Variants in CHL1 observed in about 807,000 individuals in gnomAD.
CHL1 encodes neural cell adhesion molecule L1-like protein.
Under a neutral mutation model 141.9 loss-of-function variants are expected in CHL1, and 96 were observed. That is an observed-to-expected ratio of 0.68 (90% CI 0.57 to 0.80). CHL1 has a LOEUF of 0.80. Among genes scored for constraint, CHL1 ranks in the 30% least tolerant of loss-of-function variants. The pLI, the probability that CHL1 is intolerant of heterozygous loss-of-function variation, is 0.00. For synonymous variants in CHL1, 613 were observed against 502.2 expected, an observed-to-expected ratio of 1.22 and a Z score of -2.95; for missense variants, 1,820 against 1,457.2, an observed-to-expected ratio of 1.25 and a Z score of -4.05.
chr3:316,959 C>G (rs778849882), intron 2 of CHL1, among the ~76,000 whole-genome samples: 1 of 151,974 alleles, frequency 6.6e-6, no homozygotes, highest in Non-Finnish European at 1.5e-5. Flanking sequence ...TCCTAAGAAA[C>G]ATACCCTTTA....
chr3:219,346 T>A (rs1386035066), intron 1 of CHL1, among the ~76,000 whole-genome samples: 1 of 152,152 alleles, frequency 6.6e-6, no homozygotes, highest in Non-Finnish European at 1.5e-5. Context: ...GGAATATAAA[T>A]TTTTACATTA....
At chr3:250,462 G>T (rs1406294366) in intron 2 of CHL1, among the ~76,000 whole-genome samples, 1 of 152,108 alleles carries the variant, frequency 6.6e-6, no homozygotes, top group Non-Finnish European at 1.5e-5. Context: ...CCTAGTGGAA[G>T]ATTAGGGTTA....
rs151311442 is a variant in CHL1, at chr3:224,847, A to G, written c.-174-19766A>G. ...GAAAAGTGGAAAATATCAATTAAACAACTCAGAGCCGGGTGCAGTGGCTCA... is the reference window on the plus strand; with the variant it reads ...GAAAAGTGGAAAATATCAATTAAACGACTCAGAGCCGGGTGCAGTGGCTCA... On this transcript the variant is annotated intron_variant, in intron 1 of 27. Coordinates refer to ENST00000256509, the MANE Select transcript of CHL1 (RefSeq NM_006614.4). 3.0e-3 allele frequency among the ~76,000 whole-genome samples: 450 copies of G among 152,326 alleles called. 1 individual carries two copies. Among genetic ancestry groups the G allele is most frequent in the African/African-American group, 0.01 (418 of 41,560 alleles).
intron 2 of CHL1, among the ~76,000 whole-genome samples, chr3:267,803 T>C (rs749330813): frequency 1.5e-4 from 23 of 152,220 alleles, no homozygotes; most frequent in Non-Finnish European, 2.6e-4. Flanking sequence ...TGTGTTTTCT[T>C]AAGAAAATAG....
At chr3:378,456 T>C (rs1355473703) in intron 16 of CHL1, among the ~76,000 whole-genome samples, 1 of 152,170 alleles carries the variant, frequency 6.6e-6, no homozygotes, top group Non-Finnish European at 1.5e-5. Context: ...TTGATGAAAG[T>C]ACTAATCAGG....
At chr3:253,859 T>C (rs1693919008) in intron 2 of CHL1, among the ~76,000 whole-genome samples, 1 of 152,182 alleles carries the variant, frequency 6.6e-6, no homozygotes. Flanking sequence ...GAATTAAAAT[T>C]GCATCTGTAT....
intron 2 of CHL1, among the ~76,000 whole-genome samples, chr3:258,868 C>CTT (rs763713997): frequency 1.5e-4 from 21 of 143,928 alleles, no homozygotes; most frequent in African/African-American, 5.1e-4. Context: ...ACTAAGTCCC[C>CTT]TTTTTTTTTT....
intron 1 of CHL1, among the ~76,000 whole-genome samples, chr3:220,219 A>G (rs636092): frequency 0.89 from 136,015 of 152,184 alleles, 61,240 homozygotes; most frequent in East Asian, 1. Flanking sequence ...TTAATACCCC[A>G]TCTACCTTTG....
intron 1 of CHL1, among the ~76,000 whole-genome samples, chr3:200,688 T>G (rs569900180): frequency 1.8e-4 from 27 of 152,208 alleles, no homozygotes; most frequent in Non-Finnish European, 3.5e-4. Flanking sequence ...TTCGCTATCA[T>G]TTTATGTCTA....
At chr3:300,773 A>G (rs771918968) in intron 2 of CHL1, among the ~76,000 whole-genome samples, 1 of 152,188 alleles carries the variant, frequency 6.6e-6, no homozygotes, top group African/African-American at 2.4e-5. Context: ...TAGGAAAAAA[A>G]AAAGTGCAAC....
At chr3:246,399 A>C (rs996737205) in intron 2 of CHL1, among the ~76,000 whole-genome samples, 1 of 152,070 alleles carries the variant, frequency 6.6e-6, no homozygotes, top group Non-Finnish European at 1.5e-5. Flanking sequence ...TGATTGATGA[A>C]ATCATTATTT....
chr3:308,560 A>C (rs540175639), intron 2 of CHL1, among the ~76,000 whole-genome samples: 2 of 151,386 alleles, frequency 1.3e-5, no homozygotes, highest in South Asian at 4.2e-4. Context: ...ATAGATAGTC[A>C]TATAAACATA....
intron 2 of CHL1, among the ~76,000 whole-genome samples, chr3:255,749 C>T (rs1055095397): frequency 6.6e-6 from 1 of 152,148 alleles, no homozygotes; most frequent in Non-Finnish European, 1.5e-5. Flanking sequence ...CCTTTGACTG[C>T]CTATTGCCAT....
chr3:289,092 A>C (rs1000892903), intron 2 of CHL1, among the ~76,000 whole-genome samples: 6 of 152,110 alleles, frequency 3.9e-5, no homozygotes, highest in Admixed American at 3.9e-4. Context: ...AACTCAAGAG[A>C]AATGAATAAT....
In CHL1 at chr3:212,644, G is replaced by A. The variant is rs899457380; in HGVS notation, c.-175+15581G>A. Among the ~76,000 whole-genome samples the A allele has an allele frequency of 5.3e-5, 8 of 152,196 alleles. No homozygotes were observed. In the South Asian group the frequency reaches 1.0e-3, roughly 20 times the overall value. On this transcript the variant is annotated intron_variant, in intron 1 of 27. Transcript: ENST00000256509. ...CCCCTGGCTCCCTACTGCTTTGCAG[G>A]CCAAGTAACTGTCACATTTCGTTTC...
At position 393,615 on chromosome 3, in the gene CHL1, C is replaced by T. The variant is rs189824916; in HGVS notation, c.2915-1078C>T. Among the ~76,000 whole-genome samples, 348 of 151,962 alleles carry T rather than the reference C, an allele frequency of 2.3e-3. 1 individual carries two copies. Among genetic ancestry groups the T allele is most frequent in the Admixed American group, 5.5e-3 (84 of 15,264 alleles). On this transcript the variant is annotated intron_variant, in intron 23 of 27. Transcript: ENST00000256509. ...TTCTATTAATATTAATTGATCAAGA[C>T]ATTTTAGGTAGTTTACCTTTTTCTT...
intron 2 of CHL1, among the ~76,000 whole-genome samples, chr3:317,722 A>T (rs973712290): frequency 6.6e-6 from 1 of 151,102 alleles, no homozygotes; most frequent in African/African-American, 2.4e-5. Context: ...CAAAATTTTC[A>T]TATTAATAAT....
intron 2 of CHL1, among the ~76,000 whole-genome samples, chr3:302,164 T>A (rs1376088894): frequency 6.6e-5 from 10 of 152,252 alleles, no homozygotes; most frequent in Non-Finnish European, 1.5e-4. Context: ...ACATTTGGGT[T>A]GGTTCCAAGT....
intron 26 of CHL1, among the ~76,000 whole-genome samples, chr3:401,269 A>G (rs759498135): frequency 6.6e-6 from 1 of 152,226 alleles, no homozygotes; most frequent in African/African-American, 2.4e-5. Flanking sequence ...GACATCTTCA[A>G]AAAGTTCAGA....
Sources: gnomAD v4.1 joint callset for allele counts (sites outside exome capture counted in the v4.1 genomes callset) on GRCh38, gnomAD v4.1.1 for gene constraint, MANE v1.5 for transcripts, NCBI Gene and HGNC (gene_info 2026-07-23, HGNC 2026-07-21) for gene names.